ARID1B: variants seen among roughly 807,000 people sequenced by gnomAD.
ARID1B encodes AT-rich interactive domain-containing protein 1B.
ARID1B carries 30 observed loss-of-function variants against 212.3 expected under a neutral mutation model. That is an observed-to-expected ratio of 0.14 (90% CI 0.11 to 0.19). ARID1B has a LOEUF of 0.19. ARID1B is among the 10% of genes least tolerant of loss of function. The pLI is 1.00. For synonymous variants in ARID1B, 1,402 were observed against 1,301.7 expected (o/e 1.08, Z -1.66); for missense variants, 2,891 against 3,204.0 (o/e 0.90, Z 2.36).
intron 8 of ARID1B, 69 bp from the exon 9 acceptor site, chr6:157,166,971 G>A (rs1791367280): frequency 6.4e-7 from 1 of 1,556,694 alleles, no homozygotes; most frequent in African/African-American, 1.4e-5. Flanking sequence ...TAGTAGAAAT[G>A]ACTGCCAGGG....
chr6:157,021,619 C>T (rs1360508242), intron 4 of ARID1B, among the ~76,000 whole-genome samples: 1 of 152,200 alleles, frequency 6.6e-6, no homozygotes, highest in Non-Finnish European at 1.5e-5. Context: ...CCGACGGCGC[C>T]GCGCCGCGCA....
chr6:157,119,347 G>A (rs1419874234), intron 6 of ARID1B, among the ~76,000 whole-genome samples: 3 of 152,116 alleles, frequency 2.0e-5, no homozygotes, highest in African/African-American at 4.8e-5. Flanking sequence ...TTAGTCACTT[G>A]CCTGTGCCTT....
chr6:157,108,294 C>T (rs1221410947), intron 5 of ARID1B, among the ~76,000 whole-genome samples: 2 of 152,158 alleles, frequency 1.3e-5, no homozygotes, highest in Non-Finnish European at 2.9e-5. Flanking sequence ...TCATGGGATG[C>T]ATTACTTACA....
chr6:156,873,039 G>A (rs917595279), intron 2 of ARID1B, among the ~76,000 whole-genome samples: 1 of 143,470 alleles, frequency 7.0e-6, no homozygotes, highest in South Asian at 2.2e-4. Context: ...CAGCGAGGCA[G>A]TGACCACCTG....
At chr6:156,854,629 T>C (rs1404049332) in intron 2 of ARID1B, among the ~76,000 whole-genome samples, 1 of 152,258 alleles carries the variant, frequency 6.6e-6, no homozygotes, top group Admixed American at 6.5e-5. Flanking sequence ...GCTTACAGCC[T>C]GCTGCTGTAA....
chr6:156,931,406 C>T (rs2128260084), intron 3 of ARID1B, among the ~76,000 whole-genome samples: 1 of 152,258 alleles, frequency 6.6e-6, no homozygotes, highest in East Asian at 1.9e-4. Context: ...TTATCTTTAC[C>T]CTTTCCTGTA....
At chr6:156,986,304 C>T (rs912692668) in intron 4 of ARID1B, among the ~76,000 whole-genome samples, 9 of 152,214 alleles carry the variant, frequency 5.9e-5, no homozygotes, top group Non-Finnish European at 1.2e-4. Flanking sequence ...GACACATCCT[C>T]TTTCTTGAAC....
In ARID1B at chr6:156,852,868, C is replaced by T. The variant is rs1231186091; in HGVS notation, c.1986+23447C>T. Among the ~76,000 whole-genome samples, 5 of 152,306 alleles carry T rather than the reference C, an allele frequency of 3.3e-5. No homozygotes were observed. The East Asian group carries it at 9.6e-4, about 29-fold the overall frequency. On this transcript the variant is annotated intron_variant, in intron 2 of 19. Transcript: ENST00000636930. ...GTTTTATAACTTAATATTTCTTCCT[C>T]CTTCACTTAATTGGGAGAGCAAAAG...
At chr6:156,813,106 A>C (rs1182046208) in intron 1 of ARID1B, among the ~76,000 whole-genome samples, 1 of 105,944 alleles carries the variant, frequency 9.4e-6, no homozygotes, top group Admixed American at 1.1e-4. Context: ...ACATATATAT[A>C]TATTTTTTTT....
chr6:156,838,143 T>A (rs1372858825), intron 2 of ARID1B, among the ~76,000 whole-genome samples: 2 of 152,216 alleles, frequency 1.3e-5, no homozygotes, highest in East Asian at 3.8e-4. Flanking sequence ...ATTTTATTTT[T>A]TTTAAATAAC....
intron 7 of ARID1B, among the ~76,000 whole-genome samples, chr6:157,136,824 T>C (rs1788945957): frequency 6.6e-6 from 1 of 152,124 alleles, no homozygotes; most frequent in African/African-American, 2.4e-5. Flanking sequence ...ATCATGCCAC[T>C]GTACTCCAGC....
intron 5 of ARID1B, 149 bp downstream of exon 5, chr6:157,085,054 C>A: frequency 1.0e-6 from 1 of 1,001,682 alleles, no homozygotes. Flanking sequence ...ATACGAGAGT[C>A]CCAGTTCCTA....
At chr6:157,021,327 C>T (rs999063580) in intron 4 of ARID1B, among the ~76,000 whole-genome samples, 1 of 152,234 alleles carries the variant, frequency 6.6e-6, no homozygotes, top group Non-Finnish European at 1.5e-5. Flanking sequence ...CCAGTGATTC[C>T]ACGGACCCCG....
At chr6:157,071,641 C>T (rs141428133) in intron 4 of ARID1B, 56 of 152,268 alleles carry the variant, frequency 3.7e-4, no homozygotes, top group African/African-American at 1.2e-3. Flanking sequence ...TCATTGTTTC[C>T]TGATAATTGG....
At chr6:157,196,038 G>A (rs1442875402) in intron 15 of ARID1B, 127 bp from the exon 16 acceptor site, 3 of 1,215,576 alleles carry the variant, frequency 2.5e-6, no homozygotes, top group Non-Finnish European at 3.5e-6. Context: ...TAGCCTGGGC[G>A]ACAGAGTGAG....
At chr6:156,795,064 T>C (rs1452123183) in intron 1 of ARID1B, among the ~76,000 whole-genome samples, 1 of 152,082 alleles carries the variant, frequency 6.6e-6, no homozygotes, top group Non-Finnish European at 1.5e-5. Flanking sequence ...TCTGGGTCGT[T>C]GCTCCCTACC....
intron 4 of ARID1B, chr6:156,984,699 CTTTTTT>C (rs1180027673): frequency 6.6e-6 from 1 of 151,786 alleles, no homozygotes; most frequent in Non-Finnish European, 1.5e-5. Context: ...TTTCCTTTTC[CTTTTTT>C]AGAGAGGGTC....
At chr6:156,802,368 G>A (rs187917784) in intron 1 of ARID1B, among the ~76,000 whole-genome samples, 50 of 152,150 alleles carry the variant, frequency 3.3e-4, no homozygotes, top group Non-Finnish European at 6.0e-4. Context: ...ATATTCTTTC[G>A]TATTCATTCA....
chr6:157,198,801 C>T lies in ARID1B; in HGVS notation c.4383-10C>T. On this transcript the variant is annotated splice_polypyrimidine_tract_variant and intron_variant, in intron 16 of 19. Coordinates refer to ENST00000636930, the MANE Select transcript of ARID1B (RefSeq NM_001374828.1). ...TCTCAGTTAAGTTTTCTTTGAATGC[C>T]TCATTCCAGGCATGAACCTTATGGG... 7 of 1,604,108 alleles carry T rather than the reference C, an allele frequency of 4.4e-6. No homozygotes were observed. The highest frequency in any genetic ancestry group is 5.1e-6 in the Non-Finnish European group (6 of 1,173,960).
Sources: allele counts gnomAD v4.1 joint callset (sites outside exome capture counted in the v4.1 genomes callset), GRCh38; gene constraint gnomAD v4.1.1; transcripts MANE v1.5; gene names NCBI Gene and HGNC (gene_info 2026-07-23, HGNC 2026-07-21).